The following SLC36A4 variants were observed in gnomAD, a reference collection of about 807,000 sequenced individuals.
The protein encoded by SLC36A4 is neutral amino acid uniporter 4.
A neutral mutation model predicts 50.5 loss-of-function variants in SLC36A4; 49 were observed. The ratio of observed to expected loss-of-function variants is 0.97; its 90% CI spans 0.77 to 1.23. SLC36A4 has a LOEUF of 1.23. Among genes scored for constraint, SLC36A4 ranks in the 50% most tolerant of loss-of-function variants. SLC36A4 has a pLI of 0.00. For missense variants in SLC36A4, 611 were observed against 608.4 expected, an observed-to-expected ratio of 1.00 and a Z score of -0.05; for synonymous variants, 207 against 206.5, an observed-to-expected ratio of 1.00 and a Z score of -0.02.
rs1329054092 is a variant in SLC36A4, at chr11:93,168,054, T to C, written c.658A>G (p.Ile220Val). Residue 220 changes from isoleucine to valine, a missense_variant, in exon 7 of 11, where the codon ATA (isoleucine) becomes GTA (valine). Physicochemically the swap from Ile to Val is conservative, Grantham distance 29. Transcript: ENST00000326402. ...TCACGAATGAAGACCAAAAGAATTA[T>C]AAATGGAAGAAAGCAAAGCATATAT... ...RIYMLCFLPF[I>V]ILLVFIRELK... is the part of the protein sequence containing the mutation. 1.9e-6 allele frequency: 3 copies of C among 1,612,348 alleles called. No homozygotes were observed.
chr11:93,167,856 T>G, intron 7 of SLC36A4, 88 bp downstream of exon 7: 3 of 764,224 alleles, frequency 3.9e-6, no homozygotes, highest in Non-Finnish European at 2.2e-6. Context: ...TAGGGGTCTT[T>G]GCATATCATT....
At chr11:93,178,200 G>C (rs11020188) in intron 6 of SLC36A4, among the ~76,000 whole-genome samples, 26,786 of 152,084 alleles carry the variant, frequency 0.18, 2,798 homozygotes, top group East Asian at 0.41. Flanking sequence ...CTCTGAGCCA[G>C]CGCAGGATAT....
chr11:93,187,098 A>T (rs1013378435), intron 1 of SLC36A4, among the ~76,000 whole-genome samples: 1 of 152,166 alleles, frequency 6.6e-6, no homozygotes, highest in African/African-American at 2.4e-5. Context: ...ACAACTAGAT[A>T]TAAAATCCTT....
chr11:93,193,746 T>C (rs1862307086), intron 1 of SLC36A4, among the ~76,000 whole-genome samples: 2 of 152,130 alleles, frequency 1.3e-5, no homozygotes, highest in Admixed American at 1.3e-4. Context: ...AATATAAATT[T>C]CAAGTTGTAG....
In SLC36A4 at chr11:93,165,928, C is replaced by G; in HGVS notation, c.857G>C (p.Gly286Ala). ...AGACTAAATTCTTACCACTCCTATG[C>G]CTTCAAAAGCAAATACAGCAGTACC... ...FFGTAVFAFE[G>A]IGVVLPLENQ... The change falls in exon 8 of 11, where the codon GGC becomes GCC. Residue 286 changes from glycine (G) to alanine (A), a missense_variant. Physicochemically the swap from Gly to Ala is moderately conservative, Grantham distance 60. Transcript: ENST00000326402. The G allele has an allele frequency of 6.2e-7, 1 of 1,601,162 alleles. No individual in the cohort carries two copies. Among genetic ancestry groups the G allele is most frequent in the Non-Finnish European group, 8.5e-7 (1 of 1,171,506 alleles).
rs1859814813 is a variant in SLC36A4 at position 93,144,657 on chromosome 11, C to G, written c.*3880G>C. On this transcript the variant is annotated 3_prime_UTR_variant, in exon 11 of 11. Transcript: ENST00000326402. ...AGGCATGTTTCCTTATCTCATAGGTCAAAACCAATCAGTTTCAGAAAGTTT... is the reference window on the plus strand; with the variant it reads ...AGGCATGTTTCCTTATCTCATAGGTGAAAACCAATCAGTTTCAGAAAGTTT... 2 of 152,002 alleles carry G rather than the reference C, an allele frequency of 1.3e-5. No individual in the cohort carries two copies. The highest frequency in any genetic ancestry group is 4.8e-5 in the African/African-American group (2 of 41,416). 9.4% of individuals were successfully genotyped at this position (152,002 alleles called of 1,614,324 possible).
chr11:93,176,408 C>T (rs1433759721), intron 6 of SLC36A4, among the ~76,000 whole-genome samples: 1 of 152,162 alleles, frequency 6.6e-6, no homozygotes, highest in African/African-American at 2.4e-5. Flanking sequence ...ATCCAATTTG[C>T]CAGTCTATGT....
intron 9 of SLC36A4, among the ~76,000 whole-genome samples, chr11:93,158,721 C>T (rs1032089827): frequency 6.6e-5 from 10 of 152,088 alleles, no homozygotes; most frequent in African/African-American, 2.4e-4. Flanking sequence ...TTTTGTATAG[C>T]TATTATCACA....
chr11:93,150,938 T>A (rs1860060471), intron 10 of SLC36A4, among the ~76,000 whole-genome samples: 1 of 152,046 alleles, frequency 6.6e-6, no homozygotes, highest in Non-Finnish European at 1.5e-5. Context: ...CTGTCACTAG[T>A]AAATCAAGTG....
In SLC36A4 at chr11:93,148,824, G is replaced by A. The variant is rs750653075; in HGVS notation, c.1228C>T (p.Pro410Ser). ...AAGGAAATCACAATGTCTAAACGAG[G>A]AATAAGAATTGCTCCGGCACCTAGA... ...SITCAGAILI[P>S]RLDIVISFVG... Residue 410 changes from proline to serine, a missense_variant, in exon 11 of 11, where the codon CCT becomes TCT. By Grantham distance (74) the Pro-to-Ser change is moderately conservative. Coordinates refer to ENST00000326402, the MANE Select transcript of SLC36A4 (RefSeq NM_152313.4). The A allele has an allele frequency of 1.2e-6, 2 of 1,610,098 alleles. No homozygotes were observed. The highest frequency in any genetic ancestry group is 1.1e-5 in the South Asian group (1 of 90,214).
chr11:93,187,381 T>G (rs1862034044), intron 1 of SLC36A4, among the ~76,000 whole-genome samples: 1 of 152,212 alleles, frequency 6.6e-6, no homozygotes, highest in African/African-American at 2.4e-5. Context: ...TTATTTCTAC[T>G]ATAAAGTTTT....
chr11:93,180,338 C>A, intron 6 of SLC36A4: 1 of 985,076 alleles, frequency 1.0e-6, no homozygotes, highest in Non-Finnish European at 1.2e-6. Flanking sequence ...CAAAAAACTA[C>A]AGAAAACTGT....
chr11:93,168,073 C>CA lies in SLC36A4; in HGVS notation c.638dup (p.Met213IlefsTer16). The CA allele has an allele frequency of 6.2e-7, 1 of 1,611,966 alleles. No individual in the cohort carries two copies. On this transcript the variant is annotated frameshift_variant, in exon 7 of 11. Coordinates refer to ENST00000326402, the MANE Select transcript of SLC36A4 (RefSeq NM_152313.4). LOFTEE classifies it high-confidence loss of function. ...GAATTATAAATGGAAGAAAGCAAAG[C>CA]ATATATATCCTTAGGTCAACACTTC...
intron 6 of SLC36A4, among the ~76,000 whole-genome samples, chr11:93,174,711 G>A (rs1404811498): frequency 7.1e-6 from 1 of 141,832 alleles, no homozygotes; most frequent in Non-Finnish European, 1.5e-5. Flanking sequence ...ATAATCATGT[G>A]GTTTTTGTCT....
intron 9 of SLC36A4, among the ~76,000 whole-genome samples, chr11:93,156,398 T>C (rs1315716578): frequency 1.3e-5 from 2 of 152,086 alleles, no homozygotes; most frequent in African/African-American, 4.8e-5. Context: ...GAGAAGTGTC[T>C]GTTCACGTCC....
chr11:93,197,551 A>AAC (rs906308401), intron 1 of SLC36A4: 18 of 546,014 alleles, frequency 3.3e-5, no homozygotes, highest in East Asian at 1.4e-4. Context: ...CGCGCGCGCA[A>AAC]ACACACACAC....
chr11:93,173,603 C>A (rs1590960365), intron 6 of SLC36A4, among the ~76,000 whole-genome samples: 1 of 48,800 alleles, frequency 2.0e-5, no homozygotes, highest in Non-Finnish European at 4.4e-5. Flanking sequence ...ATCTTTAATC[C>A]ATCTTGAATT....
chr11:93,184,725 A>G (rs952634418), intron 2 of SLC36A4, among the ~76,000 whole-genome samples: 7 of 152,198 alleles, frequency 4.6e-5, no homozygotes, highest in African/African-American at 9.6e-5. Flanking sequence ...GTTATTGTGG[A>G]TATTAAATGA....
At chr11:93,194,047 C>A (rs562742598) in intron 1 of SLC36A4, among the ~76,000 whole-genome samples, 69 of 152,062 alleles carry the variant, frequency 4.5e-4, no homozygotes, top group Middle Eastern at 6.8e-3. Flanking sequence ...AAAAGTGTAT[C>A]ATATGCTAAG....
Sources: gnomAD v4.1 joint callset for allele counts (sites outside exome capture counted in the v4.1 genomes callset) on GRCh38, gnomAD v4.1.1 for gene constraint, MANE v1.5 for transcripts, NCBI Gene and HGNC (gene_info 2026-07-23, HGNC 2026-07-21) for gene names.